Variants in LEMD3 observed in about 807,000 individuals in gnomAD.
LEMD3 encodes the protein inner nuclear membrane protein Man1.
Under a neutral mutation model 95.2 loss-of-function variants are expected in LEMD3, and 33 were observed. That is an observed-to-expected ratio of 0.35 (90% CI 0.26 to 0.46). LEMD3 has a LOEUF of 0.46. Among genes scored for constraint, LEMD3 ranks in the 20% least tolerant of loss-of-function variants. LEMD3 has a pLI of 1.00. For missense variants in LEMD3, 1,210 were observed against 1,192.8 expected (o/e 1.01, Z -0.21); for synonymous variants, 525 against 474.6 (o/e 1.11, Z -1.38).
chr12:65,174,781 T>TA (rs1278212832), intron 1 of LEMD3, among the ~76,000 whole-genome samples: 1 of 152,192 alleles, frequency 6.6e-6, no homozygotes, highest in Non-Finnish European at 1.5e-5. Flanking sequence ...AAATCTCTGT[T>TA]ACAGAGCTTA....
chr12:65,210,635 A>G (rs999070108), intron 1 of LEMD3, among the ~76,000 whole-genome samples: 1 of 152,198 alleles, frequency 6.6e-6, no homozygotes, highest in African/African-American at 2.4e-5. Flanking sequence ...GTTCAAAGAG[A>G]CATTACTAAT....
At chr12:65,232,941 CT>C (rs1870672307) in intron 4 of LEMD3, among the ~76,000 whole-genome samples, 1 of 152,106 alleles carries the variant, frequency 6.6e-6, no homozygotes, top group Admixed American at 6.6e-5. Flanking sequence ...GCTGGATAGA[CT>C]TTTATGGCCT....
intron 3 of LEMD3, among the ~76,000 whole-genome samples, chr12:65,217,296 A>G (rs1870139943): frequency 6.6e-6 from 1 of 152,232 alleles, no homozygotes; most frequent in Non-Finnish European, 1.5e-5. Flanking sequence ...GCTGTATTCC[A>G]GTAAAACTTC....
At chr12:65,184,851 C>T (rs1036957862) in intron 1 of LEMD3, among the ~76,000 whole-genome samples, 1 of 152,048 alleles carries the variant, frequency 6.6e-6, no homozygotes, top group Non-Finnish European at 1.5e-5. Context: ...TGGGTAAAAA[C>T]CTTAGCAACA....
chr12:65,170,476 C>G lies in LEMD3; in HGVS notation c.880C>G (p.Leu294Val), dbSNP rs760918161. Residue 294 changes from leucine to valine, a missense_variant, in exon 1 of 13, where the codon CTC (leucine) becomes GTC (valine). Around this residue, in one of 2 missense-constraint regions of LEMD3, gnomAD observed 749 missense variants for 622.9 expected, o/e 1.20. Transcript: ENST00000308330. ...GCCCAGACGAACCCATAGTAAGCCT[C>G]TCCCCCCGCTGACTGCTAAATCGGC... ...HRPRRTHSKP[L>V]PPLTAKSAGG... 1.7e-5 allele frequency: 27 copies of G among 1,613,520 alleles called. No homozygotes were observed. The highest frequency in any genetic ancestry group is 1.8e-5 in the Non-Finnish European group (21 of 1,179,862).
chr12:65,219,435 C>G (rs1263401857), intron 4 of LEMD3, among the ~76,000 whole-genome samples: 1 of 152,106 alleles, frequency 6.6e-6, no homozygotes, highest in Non-Finnish European at 1.5e-5. Flanking sequence ...CGGTCCAGTT[C>G]CATAAAGATA....
chr12:65,177,906 T>C (rs948552183), intron 1 of LEMD3, among the ~76,000 whole-genome samples: 2 of 151,642 alleles, frequency 1.3e-5, no homozygotes, highest in Middle Eastern at 3.4e-3. Context: ...TGCAGTGGTG[T>C]GATCATGGCT....
At chr12:65,178,956 T>G (rs1393157935) in intron 1 of LEMD3, among the ~76,000 whole-genome samples, 2 of 152,228 alleles carry the variant, frequency 1.3e-5, no homozygotes, top group African/African-American at 2.4e-5. Context: ...AAAAGTTGTA[T>G]TCATTCAACA....
At chr12:65,199,952 T>G (rs2136329596) in intron 1 of LEMD3, among the ~76,000 whole-genome samples, 1 of 152,050 alleles carries the variant, frequency 6.6e-6, no homozygotes, top group East Asian at 1.9e-4. Context: ...TAAGGCTGAT[T>G]GACGCTGACT....
At chr12:65,224,744 A>G (rs988225008) in intron 4 of LEMD3, among the ~76,000 whole-genome samples, 1 of 152,016 alleles carries the variant, frequency 6.6e-6, no homozygotes, top group Non-Finnish European at 1.5e-5. Flanking sequence ...GGCTTCCTTG[A>G]GTCTGAATAC....
At chr12:65,177,537 C>G (rs924450962) in intron 1 of LEMD3, among the ~76,000 whole-genome samples, 8 of 151,946 alleles carry the variant, frequency 5.3e-5, no homozygotes, top group African/African-American at 1.2e-4. Context: ...TTGAGTTGTT[C>G]AAGTGAAAAA....
At chr12:65,227,418 T>C (rs1870483629) in intron 4 of LEMD3, among the ~76,000 whole-genome samples, 1 of 152,158 alleles carries the variant, frequency 6.6e-6, no homozygotes, top group Non-Finnish European at 1.5e-5. Context: ...ATGCTGAGAC[T>C]CTTAAAGCAT....
intron 10 of LEMD3, 84 bp from the exon 11 acceptor site, chr12:65,245,585 A>AAT (rs1565801983): frequency 1.9e-5 from 17 of 890,912 alleles, no homozygotes; most frequent in Admixed American, 3.4e-5. Flanking sequence ...CAATTCTAGT[A>AAT]ATATATATAT....
chr12:65,246,195 A>G lies in LEMD3; in HGVS notation c.2606A>G (p.Asp869Gly). Residue 869 changes from aspartate (D) to glycine (G), a missense_variant, in exon 13 of 13, where the codon GAT (aspartate) becomes GGT (glycine). Asp to Gly is a moderately conservative substitution (Grantham distance 94, BLOSUM62 -1). Coordinates refer to ENST00000308330, the MANE Select transcript of LEMD3 (RefSeq NM_014319.5). ...GTTACAGTAAAATATTTACGACTAG[A>G]TAGATACCACCATCGCTTTCCCCAG... ...KLVTVKYLRL[D>G]RYHHRFPQAL... The G allele has an allele frequency of 1.9e-6, 3 of 1,612,256 alleles. No individual in the cohort carries two copies. The highest frequency in any genetic ancestry group is 2.5e-6 in the Non-Finnish European group (3 of 1,178,690).
chr12:65,229,345 A>T (rs1478814643), intron 4 of LEMD3, among the ~76,000 whole-genome samples: 1 of 152,184 alleles, frequency 6.6e-6, no homozygotes, highest in Non-Finnish European at 1.5e-5. Flanking sequence ...AATAAATGAG[A>T]GTACAGATAC....
intron 1 of LEMD3, 151 bp from the exon 2 acceptor site, chr12:65,210,775 C>T (rs1356779253): frequency 1.3e-5 from 10 of 741,098 alleles, no homozygotes; most frequent in Admixed American, 7.5e-5. Flanking sequence ...AATTACTTCC[C>T]TAACCTTTAT....
In LEMD3 at chr12:65,248,316, T is replaced by G. The variant is rs1193012381; in HGVS notation, c.*1991T>G. On this transcript the variant is annotated 3_prime_UTR_variant, in exon 13 of 13. Transcript: ENST00000308330. ...AAAGGAAAAAATTCTAATTAAAAAT[T>G]TATTAGTTTTTTTTTATGTGTCTTG... 3 of 152,100 alleles carry G rather than the reference T, an allele frequency of 2.0e-5. No individual in the cohort carries two copies. Among genetic ancestry groups the G allele is most frequent in the African/African-American group, 7.2e-5 (3 of 41,430 alleles). The allele number at this position is 152,100 out of a possible 1,614,324, so 9.4% of individuals were successfully genotyped here.
intron 2 of LEMD3, among the ~76,000 whole-genome samples, chr12:65,214,453 TATCTC>T (rs1167302525): frequency 3.9e-5 from 6 of 152,206 alleles, no homozygotes; most frequent in South Asian, 2.1e-4. Flanking sequence ...ATAAGTAACT[TATCTC>T]AGTCAACCGT....
intron 1 of LEMD3, among the ~76,000 whole-genome samples, chr12:65,200,163 G>A (rs936810348): frequency 6.6e-5 from 10 of 152,002 alleles, no homozygotes; most frequent in Non-Finnish European, 1.2e-4. Context: ...TTTGCATAAA[G>A]ATGTAACTTT....
Sources: allele counts gnomAD v4.1 joint callset (sites outside exome capture counted in the v4.1 genomes callset), GRCh38; gene constraint gnomAD v4.1.1; regional missense constraint gnomAD v4.1.1; transcripts MANE v1.5; gene names NCBI Gene and HGNC (gene_info 2026-07-23, HGNC 2026-07-21).